The following WSCD1 variants were observed in gnomAD, a reference collection of about 807,000 sequenced individuals.
WSCD1 encodes sialate:O-sulfotransferase 1.
Under a neutral mutation model 60.4 loss-of-function variants are expected in WSCD1, and 41 were observed. The ratio of observed to expected loss-of-function variants is 0.68; its 90% CI spans 0.53 to 0.88. The LOEUF is 0.88. Ranked by LOEUF, WSCD1 falls within the 40% of genes least tolerant of loss-of-function variation. WSCD1 has a pLI of 0.00. For synonymous variants in WSCD1, 361 were observed against 332.5 expected (o/e 1.09, Z -0.93); for missense variants, 784 against 796.2 (o/e 0.98, Z 0.18).
Position 6,086,993 on chromosome 17 carries a change from C to T in WSCD1, c.428-997C>T, listed in dbSNP as rs564330314. ...GCGCTCCCCAGGTGACATGAATGAGCGGAACGCGGCCCTTCCTGGGGAGAC... is the reference window on the plus strand; with the variant it reads ...GCGCTCCCCAGGTGACATGAATGAGTGGAACGCGGCCCTTCCTGGGGAGAC... On this transcript the variant is annotated intron_variant, in intron 2 of 8. Transcript: ENST00000317744. 2.6e-4 allele frequency among the ~76,000 whole-genome samples: 39 copies of T among 152,288 alleles called. No individual in the cohort carries two copies. The East Asian group carries it at 4.2e-3, about 17-fold the overall frequency.
intron 1 of WSCD1, among the ~76,000 whole-genome samples, chr17:6,079,788 A>C (rs1352401708): frequency 6.6e-6 from 1 of 152,152 alleles, no homozygotes; most frequent in Non-Finnish European, 1.5e-5. Context: ...GGCTAGGTAC[A>C]TTTATATGTG....
chr17:6,087,479 A>G (rs1409966283), intron 2 of WSCD1, among the ~76,000 whole-genome samples: 2 of 152,218 alleles, frequency 1.3e-5, no homozygotes, highest in African/African-American at 2.4e-5. Context: ...GACAGACTTT[A>G]TCTTGAAATA....
chr17:6,098,434 T>C (rs1398727213), intron 5 of WSCD1, among the ~76,000 whole-genome samples: 1 of 152,256 alleles, frequency 6.6e-6, no homozygotes, highest in African/African-American at 2.4e-5. Flanking sequence ...TCTTGGTGTC[T>C]TGTGCTATCA....
At position 6,118,498 on chromosome 17, in the gene WSCD1, T is replaced by A. The variant is rs1904442051; in HGVS notation, c.1375+310T>A. The stretch of plus-strand genomic sequence containing the variant: ...GTGGGGTGATATGCACCCCTTTCCA[T>A]CTCTGCTTCTGCCCAGGAGCTCATG... On this transcript the variant is annotated intron_variant, in intron 8 of 8. Transcript: ENST00000317744. The surrounding 1 kb of genome is among the most constrained non-coding windows in gnomAD (Gnocchi z 5.8). Among the ~76,000 whole-genome samples, 1 of 152,192 alleles carries A rather than the reference T, an allele frequency of 6.6e-6. No individual in the cohort carries two copies. Among genetic ancestry groups the A allele is most frequent in the Admixed American group, 6.5e-5 (1 of 15,280 alleles).
At chr17:6,117,949 C>T in intron 7 of WSCD1, 39 bp from the exon 8 acceptor site, 1 of 1,606,778 alleles carries the variant, frequency 6.2e-7, no homozygotes, top group South Asian at 1.1e-5. Context: ...GCCCCATGGA[C>T]ACCATCTTCC....
At chr17:6,116,822 TG>T (rs1904323684) in intron 7 of WSCD1, among the ~76,000 whole-genome samples, 2 of 152,156 alleles carry the variant, frequency 1.3e-5, no homozygotes, top group African/African-American at 4.8e-5. Context: ...GAGGGGCAGG[TG>T]GTAGGACTCA....
intron 1 of WSCD1, among the ~76,000 whole-genome samples, chr17:6,074,668 C>T (rs1188932131): frequency 6.6e-6 from 1 of 152,210 alleles, no homozygotes; most frequent in Non-Finnish European, 1.5e-5. Flanking sequence ...GGGAGCTGAA[C>T]CTTGATGGCC....
intron 1 of WSCD1, among the ~76,000 whole-genome samples, chr17:6,079,291 G>A (rs566527491): frequency 1.4e-4 from 22 of 152,372 alleles, no homozygotes; most frequent in African/African-American, 5.3e-4. Flanking sequence ...TTAGTTACGG[G>A]CAGTGGCTTA....
At chr17:6,109,422 G>A (rs1911277397) in intron 5 of WSCD1, among the ~76,000 whole-genome samples, 185 bp from the exon 6 acceptor site, 1 of 152,156 alleles carries the variant, frequency 6.6e-6, no homozygotes, top group African/African-American at 2.4e-5. Flanking sequence ...CTCACATCTT[G>A]TTGATCTTTG....
At chr17:6,096,586 G>T (rs1441895679) in intron 5 of WSCD1, among the ~76,000 whole-genome samples, 1 of 152,198 alleles carries the variant, frequency 6.6e-6, no homozygotes, top group Non-Finnish European at 1.5e-5. Context: ...GGATGTCTTG[G>T]GCATCAGGGC....
chr17:6,080,848 G>A lies in WSCD1; in HGVS notation c.190G>A (p.Val64Met), dbSNP rs377520816. The A allele has an allele frequency of 2.1e-5, 33 of 1,606,516 alleles. No homozygotes were observed. The highest frequency in any genetic ancestry group is 1.3e-4 in the East Asian group (6 of 44,716). Reference protein sequence around the residue: ...TLPVAAVALGVGLLDSRALHD... With the variant: ...TLPVAAVALGMGLLDSRALHD... The stretch of plus-strand genomic sequence containing the variant: ...GCCAGTGGCCGCCGTGGCGCTGGGC[G>A]TGGGCTTGCTGGACAGCAGAGCCCT... Residue 64 changes from valine to methionine, a missense_variant, in exon 2 of 9, where the codon GTG (valine) becomes ATG (methionine). Val to Met is a conservative substitution (Grantham distance 21). Transcript: ENST00000317744. This position sits in a 1 kb window ranked among gnomAD's most constrained non-coding sequence, Gnocchi z 6.6.
intron 7 of WSCD1, among the ~76,000 whole-genome samples, chr17:6,111,890 A>G (rs1417115719): frequency 6.6e-6 from 1 of 152,210 alleles, no homozygotes; most frequent in Non-Finnish European, 1.5e-5. Flanking sequence ...TGAAATTAGG[A>G]AAACATTTTA....
intron 7 of WSCD1, 93 bp from the exon 8 acceptor site, chr17:6,117,895 C>A: frequency 7.4e-7 from 1 of 1,345,198 alleles, no homozygotes; most frequent in Non-Finnish European, 1.0e-6. Flanking sequence ...CTCTTATGCC[C>A]CTGATGCCAG....
At chr17:6,082,667 C>A (rs1313523910) in intron 2 of WSCD1, among the ~76,000 whole-genome samples, 1 of 152,198 alleles carries the variant, frequency 6.6e-6, no homozygotes, top group East Asian at 1.9e-4. Flanking sequence ...CACCACCTCA[C>A]TGGGCCCTGC....
At chr17:6,071,862 A>G (rs1159516355) in intron 1 of WSCD1, among the ~76,000 whole-genome samples, 1 of 152,132 alleles carries the variant, frequency 6.6e-6, no homozygotes, top group Non-Finnish European at 1.5e-5. Flanking sequence ...ACCCCCACAC[A>G]CTTAGATTGG....
chr17:6,088,268 CCTGGGTGCCGGGAG>C (rs1909791187), intron 3 of WSCD1, among the ~76,000 whole-genome samples, 164 bp downstream of exon 3: 1 of 152,078 alleles, frequency 6.6e-6, no homozygotes, highest in Non-Finnish European at 1.5e-5. Flanking sequence ...TGGCAGATGA[CCTGGGTGCCGGGAG>C]CTGGGTGCTG....
Position 6,124,317 on chromosome 17 carries a change from A to ATTGTGAAATTGT in WSCD1, c.*3657_*3658insTGTGAAATTGTT, listed in dbSNP as rs1377907299. The ATTGTGAAATTGT allele has an allele frequency of 6.6e-6, 1 of 152,210 alleles. No individual in the cohort carries two copies. The highest frequency in any genetic ancestry group is 1.5e-5 in the Non-Finnish European group (1 of 68,042). 9.4% of individuals were successfully genotyped at this position (152,210 alleles called of 1,614,324 possible). ...AGGGAGAGTTGAGAGGCAGAAAGAGATCAAGTCCTTGGTGAAATTGTTTAA... is the reference window on the plus strand; with the variant it reads ...AGGGAGAGTTGAGAGGCAGAAAGAGATTGTGAAATTGTTCAAGTCCTTGGTGAAATTGTTTAA... On this transcript the variant is annotated 3_prime_UTR_variant, in exon 9 of 9. Coordinates refer to ENST00000317744, the MANE Select transcript of WSCD1 (RefSeq NM_015253.2).
At chr17:6,083,154 G>A (rs1597352985) in intron 2 of WSCD1, among the ~76,000 whole-genome samples, 1 of 152,158 alleles carries the variant, frequency 6.6e-6, no homozygotes, top group Non-Finnish European at 1.5e-5. Flanking sequence ...AACTTCTTTG[G>A]ACTAAAGTAT....
chr17:6,106,154 T>C lies in WSCD1; in HGVS notation c.850-3453T>C, dbSNP rs182877411. ...ACAAAAAACACAACAACCCTGCTTATGTTCTTGTGGAAAGAGGCAGACAAC... is the reference window on the plus strand; with the variant it reads ...ACAAAAAACACAACAACCCTGCTTACGTTCTTGTGGAAAGAGGCAGACAAC... On this transcript the variant is annotated intron_variant, in intron 5 of 8. Transcript: ENST00000317744. Among the ~76,000 whole-genome samples, 81 of 152,378 alleles carry C rather than the reference T, an allele frequency of 5.3e-4. No individual in the cohort carries two copies. In the East Asian group the frequency reaches 0.015, roughly 28 times the overall value.
Sources: allele counts gnomAD v4.1 joint callset (sites outside exome capture counted in the v4.1 genomes callset), GRCh38; gene constraint gnomAD v4.1.1; non-coding constraint Gnocchi (gnomAD v3.1); transcripts MANE v1.5; gene names NCBI Gene and HGNC (gene_info 2026-07-23, HGNC 2026-07-21).